Variants in P4HA3 observed in about 807,000 individuals in gnomAD.
The protein encoded by P4HA3 is prolyl 4-hydroxylase subunit alpha 3.
A neutral mutation model predicts 66.7 loss-of-function variants in P4HA3; 60 were observed. That is an observed-to-expected ratio of 0.90 (90% CI 0.73 to 1.12). P4HA3 has a LOEUF of 1.12. Ranked by LOEUF, P4HA3 falls within the 50% of genes most tolerant of loss-of-function variation. The pLI is 0.00. For synonymous variants in P4HA3, 263 were observed against 274.6 expected (o/e 0.96, Z 0.42); for missense variants, 683 against 685.8 (o/e 1.00, Z 0.05).
rs759642544 is a variant in P4HA3, at chr11:74,304,328, G to T, written c.285C>A (p.Arg95=). The change falls in exon 2 of 13, where the codon CGC becomes CGA. Residue 95 remains arginine (R), a synonymous_variant. Coordinates refer to ENST00000331597, the MANE Select transcript of P4HA3 (RefSeq NM_182904.5). ...CCACATTCCTCCAGTCAGACTGCAG[G>T]CGTTTGATGAGAGTAAATGCAAGCA... The part of the protein sequence containing the change: ...NPLLAFTLIK[R]LQSDWRNVVH... 6.2e-7 allele frequency: 1 copy of T among 1,614,134 alleles called. No homozygotes were observed. The highest frequency in any genetic ancestry group is 8.5e-7 in the Non-Finnish European group (1 of 1,180,032).
At chr11:74,293,817 C>T (rs931885817) in intron 4 of P4HA3, among the ~76,000 whole-genome samples, 16 of 152,334 alleles carry the variant, frequency 1.1e-4, no homozygotes, top group South Asian at 4.1e-4. Context: ...GAGAGATCAG[C>T]TGTTAGTCTA....
rs1371451152 is a variant in P4HA3 at position 74,285,744 on chromosome 11, C to T, written c.1110+65G>A. The T allele has an allele frequency of 4.6e-6, 7 of 1,516,538 alleles. No homozygotes were observed. The African/African-American group carries it at 6.9e-5, about 15-fold the overall frequency. 93.9% of individuals were successfully genotyped at this position (1,516,538 alleles called of 1,614,324 possible). A position where few individuals can be genotyped will look rare whatever the true frequency, so the allele number is the denominator to read the frequency against. ...TAGTTGTTCAGGTTGCCTATTCTTA[C>T]ACTCCTGAACTCCAGGCATGTGAAG... On this transcript the variant is annotated intron_variant, in intron 7 of 12. Coordinates refer to ENST00000331597, the MANE Select transcript of P4HA3 (RefSeq NM_182904.5).
At chr11:74,262,729 C>A (rs1390403539), downstream of P4HA3, among the ~76,000 whole-genome samples, 1 of 152,196 alleles carries the variant, frequency 6.6e-6, no homozygotes, top group African/African-American at 2.4e-5. Flanking sequence ...ACACAGCAAT[C>A]TGCAGGTAAA....
At position 74,251,233 on chromosome 11, in the gene P4HA3, A is replaced by G. The variant is rs1276473516; in HGVS notation, c.*1319-3232T>C. 2.4e-5 allele frequency: 33 copies of G among 1,398,920 alleles called. No individual in the cohort carries two copies. In the East Asian group the frequency reaches 4.9e-4, roughly 21 times the overall value. 86.7% of individuals were successfully genotyped at this position (1,398,920 alleles called of 1,614,324 possible). A position where few individuals can be genotyped will look rare whatever the true frequency, so the allele number is the denominator to read the frequency against. The stretch of plus-strand genomic sequence containing the variant: ...GCTGAGGAGCTACTGACACTCTGCT[A>G]TTTCATCCCAGGGCCCTGTGGTTAA... On this transcript the variant is annotated intron_variant and NMD_transcript_variant, in intron 15 of 15. Coordinates refer to the P4HA3 transcript ENST00000524388.
chr11:74,267,358 A>C, intron 12 of P4HA3, 40 bp from the exon 13 acceptor site: 1 of 1,609,120 alleles, frequency 6.2e-7, no homozygotes, highest in Non-Finnish European at 8.5e-7. Flanking sequence ...CAGGCTCAGC[A>C]GAACAGACAG....
intron 5 of P4HA3, among the ~76,000 whole-genome samples, chr11:74,287,462 G>C (rs921349256): frequency 1.3e-5 from 2 of 152,128 alleles, no homozygotes; most frequent in Non-Finnish European, 2.9e-5. Context: ...ACCTATAAAA[G>C]CACAAAATTT....
chr11:74,263,900 A>C (rs765601481), downstream of P4HA3, among the ~76,000 whole-genome samples: 59 of 152,112 alleles, frequency 3.9e-4, no homozygotes, highest in Non-Finnish European at 7.5e-4. Flanking sequence ...AGGCGGGAGG[A>C]TCACTTGAGC....
chr11:74,250,350 G>A (rs369419083), intron 15 of P4HA3: 1 of 152,790 alleles, frequency 6.5e-6, no homozygotes, highest in African/African-American at 2.4e-5. Flanking sequence ...AAAGTGCTTA[G>A]TACAATGCCT....
At chr11:74,281,744 G>A (rs1484698155) in intron 7 of P4HA3, among the ~76,000 whole-genome samples, 4 of 152,022 alleles carry the variant, frequency 2.6e-5, no homozygotes, top group African/African-American at 9.6e-5. Context: ...GGAGGTGGGA[G>A]GGATAGCATT....
chr11:74,253,751 T>C (rs1859764619), intron 15 of P4HA3: 4 of 590,452 alleles, frequency 6.8e-6, no homozygotes, highest in Non-Finnish European at 1.2e-5. Context: ...TTCCCTTCCC[T>C]GTACTGGGGT....
rs191052707 is a variant in P4HA3, at chr11:74,309,484, C to A, written c.200+1928G>T. Among the ~76,000 whole-genome samples, 460 of 152,240 alleles carry A rather than the reference C, an allele frequency of 3.0e-3. 1 individual carries two copies. The highest frequency in any genetic ancestry group is 0.017 in the Middle Eastern group (5 of 294). On this transcript the variant is annotated intron_variant, in intron 1 of 12. Transcript: ENST00000331597. ...GACCAGCAGGGGGATTTTGACCCCCCACTCCCGTCTCCATCTGAGCTACCC... is the reference window on the plus strand; with the variant it reads ...GACCAGCAGGGGGATTTTGACCCCCAACTCCCGTCTCCATCTGAGCTACCC...
Position 74,304,383 on chromosome 11 carries a change from T to C in P4HA3, c.230A>G (p.Glu77Gly), listed in dbSNP as rs749235288. ...GTTAGCCACAGGGGTTGTTGAATCC[T>C]CATGCAAAGAAAGTACCTTGTCGTA... The part of the protein sequence containing the change: ...RFYDKVLSLH[E>G]DSTTPVANPL... Residue 77 changes from glutamate (E) to glycine (G), a missense_variant, in exon 2 of 13, where the codon GAG becomes GGG. By Grantham distance (98) the Glu-to-Gly change is moderately conservative. Coordinates refer to ENST00000331597, the MANE Select transcript of P4HA3 (RefSeq NM_182904.5). 1 of 1,614,122 alleles carries C rather than the reference T, an allele frequency of 6.2e-7. No individual in the cohort carries two copies. Among genetic ancestry groups the C allele is most frequent in the Non-Finnish European group, 8.5e-7 (1 of 1,180,020 alleles).
chr11:74,295,638 G>T (rs996763499), intron 4 of P4HA3, among the ~76,000 whole-genome samples: 7 of 152,108 alleles, frequency 4.6e-5, no homozygotes, highest in Admixed American at 1.3e-4. Flanking sequence ...TTCACATCCT[G>T]ATTGTTTCAC....
At chr11:74,304,758 T>A (rs1861526828) in intron 1 of P4HA3, among the ~76,000 whole-genome samples, 1 of 152,178 alleles carries the variant, frequency 6.6e-6, no homozygotes, top group African/African-American at 2.4e-5. Context: ...ATACTTAGTA[T>A]CTGGTAGAAA....
At chr11:74,268,812 C>T (rs944855329) in intron 11 of P4HA3, among the ~76,000 whole-genome samples, 3 of 152,164 alleles carry the variant, frequency 2.0e-5, no homozygotes, top group East Asian at 3.8e-4. Flanking sequence ...GGTGTTCTGA[C>T]GCTAAATCCT....
chr11:74,255,813 G>A, intron 15 of P4HA3: 1 of 392,014 alleles, frequency 2.6e-6, no homozygotes, highest in Admixed American at 3.0e-5. Flanking sequence ...GTGCATCAAT[G>A]TCTGAAAATT....
At chr11:74,281,179 A>G (rs1280024703) in intron 7 of P4HA3, among the ~76,000 whole-genome samples, 1 of 152,230 alleles carries the variant, frequency 6.6e-6, no homozygotes, top group Non-Finnish European at 1.5e-5. Flanking sequence ...ATGAGTTACC[A>G]TCTCACACCA....
intron 9 of P4HA3, 90 bp downstream of exon 9, chr11:74,276,895 C>T: frequency 7.7e-7 from 1 of 1,303,896 alleles, no homozygotes; most frequent in Non-Finnish European, 1.0e-6. Context: ...ACTTAGTATT[C>T]CCTGAGAGCC....
At chr11:74,261,824 C>A (rs1260056365), downstream of P4HA3, among the ~76,000 whole-genome samples, 1 of 152,148 alleles carries the variant, frequency 6.6e-6, no homozygotes, top group East Asian at 1.9e-4. Flanking sequence ...CATTAAAATA[C>A]CATCAAATAT....
Sources: allele counts gnomAD v4.1 joint callset (sites outside exome capture counted in the v4.1 genomes callset), GRCh38; gene constraint gnomAD v4.1.1; transcripts MANE v1.5; gene names NCBI Gene and HGNC (gene_info 2026-07-23, HGNC 2026-07-21).